RUFY3: variants seen among roughly 807,000 people sequenced by gnomAD.
RUFY3 encodes RUN and FYVE domain containing 3, also known as protein RUFY3.
In RUFY3, 34 loss-of-function variants were observed where a neutral mutation model predicts 84.0. That is an observed-to-expected ratio of 0.40 (90% confidence interval 0.31 to 0.54). The LOEUF is 0.54. Ranked by LOEUF, RUFY3 falls within the 20% of genes least tolerant of loss-of-function variation. RUFY3 has a pLI of 0.39. For missense variants in RUFY3, 507 were observed against 736.8 expected (o/e 0.69, Z 3.61); for synonymous variants, 242 against 252.9 (o/e 0.96, Z 0.41).
At position 70,803,868 on chromosome 4, in the gene RUFY3, G is replaced by A. The variant is rs1190665326; in HGVS notation, c.1651-480G>A. The stretch of plus-strand genomic sequence containing the variant: ...CTCCCGAGTAGCTGGGATTACAGGC[G>A]CCCACCACCATGTCCAACTTTTTTT... On this transcript the variant is annotated intron_variant, in intron 16 of 17. Transcript: ENST00000381006. Among the ~76,000 whole-genome samples, 16 of 151,200 alleles carry A rather than the reference G, an allele frequency of 1.1e-4. No individual in the cohort carries two copies. In the East Asian group the frequency reaches 2.9e-3, roughly 28 times the overall value.
intron 6 of RUFY3, among the ~76,000 whole-genome samples, chr4:70,774,069 GTAAT>G (rs1314323102): frequency 3.3e-5 from 5 of 152,098 alleles, no homozygotes; most frequent in Non-Finnish European, 7.4e-5. Flanking sequence ...ATGGTACTTA[GTAAT>G]TAGAGATCAG....
chr4:70,720,888 CGTGTGTGTGTGTGTGTGTGTGT>C (rs71210198), upstream of RUFY3, among the ~76,000 whole-genome samples: 18 of 138,468 alleles, frequency 1.3e-4, no homozygotes, highest in South Asian at 4.9e-4. Flanking sequence ...AATATAGGGC[CGTGTGTGTGTGTGTGTGTGTGT>C]GTGTGTGTGT....
chr4:70,735,936 T>C (rs554165165), intron 1 of RUFY3, among the ~76,000 whole-genome samples: 1 of 151,880 alleles, frequency 6.6e-6, no homozygotes, highest in African/African-American at 2.4e-5. Flanking sequence ...TGCAGTGAGA[T>C]GAGATCACAT....
At chr4:70,736,466 G>A (rs1011336121) in intron 1 of RUFY3, among the ~76,000 whole-genome samples, 2 of 152,104 alleles carry the variant, frequency 1.3e-5, no homozygotes, top group Non-Finnish European at 2.9e-5. Context: ...CCTGTGCTGT[G>A]TGACCTGCCT....
intron 14 of RUFY3, 33 bp from the exon 15 acceptor site, chr4:70,800,108 T>G: frequency 6.3e-7 from 1 of 1,589,464 alleles, no homozygotes; most frequent in Non-Finnish European, 8.6e-7. Flanking sequence ...GCATTCTGAA[T>G]AATTAATAAA....
At chr4:70,763,759 T>C in intron 3 of RUFY3, 90 bp downstream of exon 3, 3 of 1,458,148 alleles carry the variant, frequency 2.1e-6, no homozygotes, top group Non-Finnish European at 2.8e-6. Flanking sequence ...TATGTACGAA[T>C]AATTTATTTT....
chr4:70,759,379 T>A (rs1018442937), intron 1 of RUFY3, among the ~76,000 whole-genome samples: 1 of 149,652 alleles, frequency 6.7e-6, no homozygotes, highest in Non-Finnish European at 1.5e-5. Context: ...TGTATGTGTG[T>A]GTGTGTGTGT....
At chr4:70,791,421 A>T in intron 12 of RUFY3, 2 of 1,427,468 alleles carry the variant, frequency 1.4e-6, no homozygotes, top group Non-Finnish European at 1.8e-6. Context: ...GTTGACTTTG[A>T]ATTTGTTGGA....
At chr4:70,802,331 A>G (rs995311202) in intron 15 of RUFY3, among the ~76,000 whole-genome samples, 1 of 152,196 alleles carries the variant, frequency 6.6e-6, no homozygotes, top group African/African-American at 2.4e-5. Flanking sequence ...AATAAGAACC[A>G]TTGCAATCTG....
chr4:70,738,908 G>T (rs1720852034), intron 1 of RUFY3, among the ~76,000 whole-genome samples: 1 of 151,696 alleles, frequency 6.6e-6, no homozygotes, highest in Non-Finnish European at 1.5e-5. Flanking sequence ...AAGTAGCCTG[G>T]TCTCCCTATA....
intron 1 of RUFY3, among the ~76,000 whole-genome samples, chr4:70,748,813 G>A (rs1016747347): frequency 2.0e-5 from 3 of 152,084 alleles, no homozygotes; most frequent in Admixed American, 1.3e-4. Context: ...GGAAAGCTTC[G>A]TCTCTCATTA....
At chr4:70,716,882 G>A (rs1424670872) in intron 1 of RUFY3, among the ~76,000 whole-genome samples, 2 of 150,002 alleles carry the variant, frequency 1.3e-5, no homozygotes, top group African/African-American at 2.4e-5. Context: ...GAAAAAATAC[G>A]CATTGAGTGA....
rs570430612 is a variant in RUFY3 at position 70,794,706 on chromosome 4, C to A, written c.1458-89C>A. The A allele has an allele frequency of 6.9e-5, 56 of 808,816 alleles. No individual in the cohort carries two copies. The South Asian group carries it at 8.0e-4, about 12-fold the overall frequency. 50.1% of individuals were successfully genotyped at this position (808,816 alleles called of 1,614,324 possible). Reference sequence around the variant, plus strand: ...AGCCCTTAACCATTCGTAATTACTGCACTTTAAGACAAGGGGTTGGCATTC... The same window carrying A: ...AGCCCTTAACCATTCGTAATTACTGAACTTTAAGACAAGGGGTTGGCATTC... On this transcript the variant is annotated intron_variant, in intron 13 of 17. Transcript: ENST00000381006.
At chr4:70,762,749 C>G in intron 2 of RUFY3, 57 bp downstream of exon 2, 2 of 1,405,054 alleles carry the variant, frequency 1.4e-6, no homozygotes, top group East Asian at 2.3e-5. Context: ...GCAATGCATA[C>G]TATAGAAGAA....
chr4:70,734,727 G>A (rs1379828337), intron 1 of RUFY3: 5 of 197,134 alleles, frequency 2.5e-5, no homozygotes, highest in East Asian at 1.9e-4. Flanking sequence ...TGATCTGACC[G>A]TAACATACTC....
chr4:70,743,561 C>T (rs1445210465), intron 1 of RUFY3, among the ~76,000 whole-genome samples: 1 of 152,058 alleles, frequency 6.6e-6, no homozygotes, highest in Admixed American at 6.6e-5. Flanking sequence ...GTCAAGCTTA[C>T]TGTGAGAGTC....
intron 16 of RUFY3, among the ~76,000 whole-genome samples, chr4:70,803,848 G>C (rs914909380): frequency 6.6e-6 from 1 of 151,132 alleles, no homozygotes; most frequent in East Asian, 1.9e-4. Flanking sequence ...TCAGCCTCCC[G>C]AGTAGCTGGG....
intron 1 of RUFY3, among the ~76,000 whole-genome samples, chr4:70,756,934 A>G (rs1724119164): frequency 6.6e-6 from 1 of 152,188 alleles, no homozygotes; most frequent in African/African-American, 2.4e-5. Context: ...GTAGAAAACT[A>G]ACATTTCCAT....
chr4:70,796,659 T>A (rs532358711), intron 14 of RUFY3, among the ~76,000 whole-genome samples: 2 of 152,336 alleles, frequency 1.3e-5, no homozygotes, highest in South Asian at 2.1e-4. Context: ...TCCTCTTCAA[T>A]TAGAGCATGA....
Sources: gnomAD v4.1 joint callset for allele counts (sites outside exome capture counted in the v4.1 genomes callset) on GRCh38, gnomAD v4.1.1 for gene constraint, MANE v1.5 for transcripts, NCBI Gene and HGNC (gene_info 2026-07-23, HGNC 2026-07-21) for gene names.